The following CHD6 variants were observed in gnomAD, a reference collection of about 807,000 sequenced individuals.
CHD6 encodes the protein ATP-dependent chromatin remodeler CHD6.
Under a neutral mutation model 276.9 loss-of-function variants are expected in CHD6, and 50 were observed. That is an observed-to-expected ratio of 0.18 (90% confidence interval 0.14 to 0.23). The LOEUF (loss-of-function observed/expected upper bound fraction) is 0.23, where lower values mean the gene tolerates loss of function less well. Among genes scored for constraint, CHD6 ranks in the 10% least tolerant of loss-of-function variants. CHD6 has a pLI of 1.00. For missense variants in CHD6, 2,564 were observed against 3,365.8 expected (o/e 0.76, Z 5.89); for synonymous variants, 1,173 against 1,229.3 (o/e 0.95, Z 0.96).
intron 3 of CHD6, among the ~76,000 whole-genome samples, chr20:41,524,939 T>C (rs764422119): frequency 9.2e-5 from 14 of 152,198 alleles, no homozygotes; most frequent in Non-Finnish European, 1.6e-4. Context: ...CTGATGACAG[T>C]TGTTCTTTTC....
intron 25 of CHD6, among the ~76,000 whole-genome samples, chr20:41,443,318 A>G (rs1439674747): frequency 1.3e-5 from 2 of 152,242 alleles, no homozygotes; most frequent in Non-Finnish European, 2.9e-5. Flanking sequence ...CAATACCCTG[A>G]ACAGTGATTA....
intron 36 of CHD6, among the ~76,000 whole-genome samples, chr20:41,406,370 C>A (rs2046674645): frequency 1.3e-5 from 2 of 152,230 alleles, no homozygotes; most frequent in South Asian, 4.1e-4. Context: ...AGGACCTGGG[C>A]CCTCAACACG....
intron 27 of CHD6, among the ~76,000 whole-genome samples, chr20:41,432,454 T>A (rs950142273): frequency 6.6e-6 from 1 of 152,096 alleles, no homozygotes; most frequent in Non-Finnish European, 1.5e-5. Context: ...CAAGTAGTAA[T>A]GAGGTTCCCC....
At chr20:41,560,276 C>T (rs1420448025) in intron 1 of CHD6, among the ~76,000 whole-genome samples, 1 of 152,168 alleles carries the variant, frequency 6.6e-6, no homozygotes, top group Non-Finnish European at 1.5e-5. Flanking sequence ...CATAAGCGAT[C>T]TGGCCTCTGG....
At chr20:41,600,078 C>T (rs1040041716) in intron 1 of CHD6, among the ~76,000 whole-genome samples, 14 of 152,314 alleles carry the variant, frequency 9.2e-5, no homozygotes, top group Middle Eastern at 3.4e-3. Flanking sequence ...GCTGGTTTTT[C>T]TTTGTGGCAC....
chr20:41,613,540 A>T (rs978067499), intron 1 of CHD6, among the ~76,000 whole-genome samples: 2 of 152,232 alleles, frequency 1.3e-5, no homozygotes, highest in Non-Finnish European at 2.9e-5. Flanking sequence ...TTTGGGGGAT[A>T]ACCCCAGGGA....
chr20:41,555,276 G>C (rs2045211874), intron 1 of CHD6, among the ~76,000 whole-genome samples: 1 of 143,728 alleles, frequency 7.0e-6, no homozygotes, highest in African/African-American at 2.6e-5. Flanking sequence ...GGCTGGCCGG[G>C]CAGAGGGGCT....
intron 2 of CHD6, among the ~76,000 whole-genome samples, chr20:41,533,867 C>T (rs1263109210): frequency 1.3e-5 from 2 of 152,132 alleles, no homozygotes; most frequent in Admixed American, 6.5e-5. Flanking sequence ...ATCTAGCCAC[C>T]AGACTGAGCA....
chr20:41,578,692 C>A (rs991263242), intron 1 of CHD6, among the ~76,000 whole-genome samples: 644 of 104,062 alleles, frequency 6.2e-3, no homozygotes, highest in Non-Finnish European at 7.4e-3. Context: ...GACTCCGTCT[C>A]AAAAAAAAAA....
chr20:41,527,024 A>C (rs1464255606), intron 3 of CHD6, among the ~76,000 whole-genome samples: 3 of 152,202 alleles, frequency 2.0e-5, no homozygotes, highest in African/African-American at 4.8e-5. Flanking sequence ...CAGCACATTG[A>C]CTAATTTCTT....
At chr20:41,467,733 G>A (rs201694760) in intron 17 of CHD6, among the ~76,000 whole-genome samples, 2 of 149,900 alleles carry the variant, frequency 1.3e-5, no homozygotes, top group Non-Finnish European at 3.0e-5. Context: ...AGTCAGTCAA[G>A]AACTAGCTGA....
At chr20:41,456,873 A>G (rs952575870) in intron 18 of CHD6, among the ~76,000 whole-genome samples, 2 of 152,210 alleles carry the variant, frequency 1.3e-5, no homozygotes, top group Admixed American at 6.5e-5. Flanking sequence ...TATGCCGAGC[A>G]CTGTTAGGGG....
chr20:41,556,353 T>C (rs1372885228), intron 1 of CHD6, among the ~76,000 whole-genome samples: 2 of 138,974 alleles, frequency 1.4e-5, no homozygotes, highest in Non-Finnish European at 3.0e-5. Flanking sequence ...TGAGACAGTC[T>C]CCGCTAATGG....
intron 1 of CHD6, among the ~76,000 whole-genome samples, chr20:41,617,140 C>A (rs535310513): frequency 6.6e-6 from 1 of 152,218 alleles, no homozygotes; most frequent in South Asian, 2.1e-4. Context: ...GTGGATCTGC[C>A]AGCAGAAACG....
intron 12 of CHD6, 133 bp downstream of exon 12, chr20:41,489,645 C>T: frequency 8.4e-7 from 1 of 1,187,220 alleles, no homozygotes; most frequent in Non-Finnish European, 1.2e-6. Flanking sequence ...AGGAGTCAGC[C>T]TTGACAAACA....
Position 41,404,370 on chromosome 20 carries a change from G to A in CHD6, c.*223C>T, listed in dbSNP as rs2046609569. On this transcript the variant is annotated 3_prime_UTR_variant, in exon 37 of 37. Transcript: ENST00000373233. ...GCTGGAATGAACTGGATAACAGAAT[G>A]AGAATTCTGTGCCTCCTAGACTAGG... 3 of 1,249,216 alleles carry A rather than the reference G, an allele frequency of 2.4e-6. No homozygotes were observed. Among genetic ancestry groups the A allele is most frequent in the African/African-American group, 3.1e-5 (2 of 65,554 alleles). 77.4% of individuals were successfully genotyped at this position (1,249,216 alleles called of 1,614,324 possible).
chr20:41,530,978 T>C (rs538513814), intron 3 of CHD6, among the ~76,000 whole-genome samples: 8 of 152,358 alleles, frequency 5.3e-5, no homozygotes, highest in African/African-American at 1.7e-4. Context: ...GTTGCGTTAA[T>C]ATTGCTACAT....
At chr20:41,435,244 C>T (rs2047669932) in intron 27 of CHD6, among the ~76,000 whole-genome samples, 1 of 152,042 alleles carries the variant, frequency 6.6e-6, no homozygotes, top group Non-Finnish European at 1.5e-5. Flanking sequence ...GCACTAAATG[C>T]ATATATTAGA....
At position 41,452,953 on chromosome 20, in the gene CHD6, A is replaced by C. The variant is rs1439765305; in HGVS notation, c.3121-11T>G. The C allele has an allele frequency of 6.2e-7, 1 of 1,609,282 alleles. No individual in the cohort carries two copies. Among genetic ancestry groups the C allele is most frequent in the Non-Finnish European group, 8.5e-7 (1 of 1,175,838 alleles). ...GATCACTAAGCTTTCCTAGAAATGG[A>C]GAGGACTACTGGGAAGAAAGTCCTC... On this transcript the variant is annotated splice_polypyrimidine_tract_variant and intron_variant, in intron 20 of 36. Transcript: ENST00000373233. This position sits in a 1 kb window ranked among gnomAD's most constrained non-coding sequence, Gnocchi z 4.2.
Sources: allele counts gnomAD v4.1 joint callset (sites outside exome capture counted in the v4.1 genomes callset), GRCh38; gene constraint gnomAD v4.1.1; non-coding constraint Gnocchi (gnomAD v3.1); transcripts MANE v1.5; gene names NCBI Gene and HGNC (gene_info 2026-07-23, HGNC 2026-07-21).